Variants in FHAD1 observed in about 807,000 individuals in gnomAD.
FHAD1 encodes the protein forkhead-associated domain-containing protein 1.
A neutral mutation model predicts 191.3 loss-of-function variants in FHAD1; 146 were observed. The ratio of observed to expected loss-of-function variants is 0.76; its 90% CI spans 0.67 to 0.88. The LOEUF (loss-of-function observed/expected upper bound fraction) is 0.88, where lower values mean the gene tolerates loss of function less well. Among genes scored for constraint, FHAD1 ranks in the 40% least tolerant of loss-of-function variants. The probability of loss-of-function intolerance (pLI) is 0.00; values close to 1 mark genes in which losing one functional copy is unlikely to be tolerated. For synonymous variants in FHAD1, 616 were observed against 672.3 expected (o/e 0.92, Z 1.29); for missense variants, 1,635 against 1,785.8 (o/e 0.92, Z 1.52).
intron 2 of FHAD1, among the ~76,000 whole-genome samples, chr1:15,259,224 T>C (rs1021038849): frequency 2.6e-5 from 4 of 152,198 alleles, no homozygotes; most frequent in African/African-American, 7.2e-5. Context: ...CACCCCCATG[T>C]ATAGACTAGT....
Position 15,325,085 on chromosome 1 carries a change from G to A in FHAD1, c.1473+526G>A, listed in dbSNP as rs1343339597. 1 of 155,050 alleles carries A rather than the reference G, an allele frequency of 6.4e-6. No individual in the cohort carries two copies. Among genetic ancestry groups the A allele is most frequent in the South Asian group, 2.0e-4 (1 of 5,028 alleles). 9.6% of individuals were successfully genotyped at this position (155,050 alleles called of 1,614,324 possible). A position where few individuals can be genotyped will look rare whatever the true frequency, so the allele number is the denominator to read the frequency against. On this transcript the variant is annotated intron_variant, in intron 11 of 33. Transcript: ENST00000688493. This position sits in a 1 kb window ranked among gnomAD's most constrained non-coding sequence, Gnocchi z 4.6. The stretch of plus-strand genomic sequence containing the variant: ...GGAGGTGCTGTTTCTTTGATGCTGT[G>A]GCCTGAAATCGCCGGTGGCCCTTCC...
At chr1:15,322,680 C>T (rs554129205) in intron 10 of FHAD1, among the ~76,000 whole-genome samples, 1 of 152,322 alleles carries the variant, frequency 6.6e-6, no homozygotes, top group African/African-American at 2.4e-5. Flanking sequence ...GGAGTTAGAG[C>T]ACTTCATCAT....
chr1:15,363,550 A>G (rs1251917022), intron 23 of FHAD1, among the ~76,000 whole-genome samples: 1 of 152,174 alleles, frequency 6.6e-6, no homozygotes, highest in Non-Finnish European at 1.5e-5. Context: ...AATCTAGCTA[A>G]TACTGTTATT....
At chr1:15,395,613 C>A (rs921495171) in intron 33 of FHAD1, among the ~76,000 whole-genome samples, 1 of 152,092 alleles carries the variant, frequency 6.6e-6, no homozygotes, top group African/African-American at 2.4e-5. Context: ...GGAGTGGGGT[C>A]ATGCACACGG....
chr1:15,345,574 T>C (rs1385707944), intron 18 of FHAD1, 51 bp downstream of exon 18: 3 of 1,417,886 alleles, frequency 2.1e-6, no homozygotes, highest in Non-Finnish European at 1.9e-6. Flanking sequence ...TTGAGGGCCA[T>C]GTGGAAGGAA....
intron 20 of FHAD1, 26 bp from the exon 21 acceptor site, chr1:15,358,083 TA>T: frequency 6.8e-7 from 1 of 1,472,146 alleles, no homozygotes; most frequent in South Asian, 1.3e-5. Flanking sequence ...GAATGTCTGT[TA>T]TTTTGCTACT....
chr1:15,314,238 G>A (rs1673238018), intron 8 of FHAD1, among the ~76,000 whole-genome samples: 1 of 152,168 alleles, frequency 6.6e-6, no homozygotes, highest in African/African-American at 2.4e-5. Flanking sequence ...TGCCTGAAGA[G>A]TTCGCCAAGT....
Position 15,397,204 on chromosome 1 carries a change from TAAATA to T in FHAD1, c.4324-84_4324-80del, listed in dbSNP as rs564021160. 189 of 582,282 alleles carry T rather than the reference TAAATA, an allele frequency of 3.2e-4. 1 individual carries two copies. The highest frequency in any genetic ancestry group is 2.2e-3 in the African/African-American group (118 of 52,622). The allele number at this position is 582,282 out of a possible 1,614,324, so 36.1% of individuals were successfully genotyped here. On this transcript the variant is annotated intron_variant, in intron 33 of 33. Coordinates refer to ENST00000688493, the MANE Select transcript of FHAD1 (RefSeq NM_001391957.1). ...AGACTCCGTCTCAAAAAAAAAAAAT[TAAATA>T]AAATAAAAAATAACAAAACCACTTG... is the stretch of plus-strand genomic sequence containing the variant.
chr1:15,294,608 G>C (rs746672492), intron 4 of FHAD1, among the ~76,000 whole-genome samples: 2 of 152,158 alleles, frequency 1.3e-5, no homozygotes, highest in Non-Finnish European at 2.9e-5. Context: ...GGCCAGGCTG[G>C]TCTCGAACTC....
chr1:15,397,283 C>T lies in FHAD1; in HGVS notation c.4324-14C>T, dbSNP rs1340670136. The T allele has an allele frequency of 1.5e-6, 2 of 1,363,738 alleles. No individual in the cohort carries two copies. The highest frequency in any genetic ancestry group is 2.9e-5 in the African/African-American group (2 of 69,656). 84.5% of individuals were successfully genotyped at this position (1,363,738 alleles called of 1,614,324 possible). On this transcript the variant is annotated splice_polypyrimidine_tract_variant and intron_variant, in intron 33 of 33. Transcript: ENST00000688493. The stretch of plus-strand genomic sequence containing the variant: ...GCAATGGAGTTTGTGTGTTTTTTCT[C>T]TTGCTTGTTAAAGGTTGGAACCAGA...
At chr1:15,239,861 A>G (rs1645161207) in intron 1 of FHAD1, among the ~76,000 whole-genome samples, 1 of 152,150 alleles carries the variant, frequency 6.6e-6, no homozygotes, top group East Asian at 1.9e-4. Context: ...GCGCTTTGGA[A>G]AAATGTTTGT....
chr1:15,353,378 CA>C (rs933486621), intron 20 of FHAD1, among the ~76,000 whole-genome samples: 9 of 152,180 alleles, frequency 5.9e-5, no homozygotes, highest in African/African-American at 2.2e-4. Flanking sequence ...TACTACACTT[CA>C]GCTTTGTGTG....
intron 24 of FHAD1, among the ~76,000 whole-genome samples, chr1:15,366,957 G>A (rs959329769): frequency 2.0e-5 from 3 of 152,162 alleles, no homozygotes; most frequent in African/African-American, 7.2e-5. Context: ...GAAGGGAAGA[G>A]AATGCTCTTA....
chr1:15,291,005 C>T (rs961036859), intron 4 of FHAD1, among the ~76,000 whole-genome samples: 12 of 151,912 alleles, frequency 7.9e-5, no homozygotes, highest in Non-Finnish European at 1.5e-4. Flanking sequence ...TGAGCCACTG[C>T]GCCCAGCCTT....
rs551837280 is a variant in FHAD1 at position 15,325,320 on chromosome 1, C to CGT, written c.1473+769_1473+770dup. 1.3e-5 allele frequency: 2 copies of CGT among 151,802 alleles called. No individual in the cohort carries two copies. The highest frequency in any genetic ancestry group is 4.8e-5 in the African/African-American group (2 of 41,288). 9.4% of individuals were successfully genotyped at this position (151,802 alleles called of 1,614,324 possible). A position where few individuals can be genotyped will look rare whatever the true frequency, so the allele number is the denominator to read the frequency against. ...ATCCACAGAATGGTTTGCACACACA[C>CGT]GTGTGTGTGCGTGTGTGTGTGTGTA... On this transcript the variant is annotated intron_variant, in intron 11 of 33. Coordinates refer to ENST00000688493, the MANE Select transcript of FHAD1 (RefSeq NM_001391957.1). This position sits in a 1 kb window ranked among gnomAD's most constrained non-coding sequence, Gnocchi z 4.6.
chr1:15,289,580 C>A lies in FHAD1; in HGVS notation c.482C>A (p.Ala161Asp). 1 of 1,551,810 alleles carries A rather than the reference C, an allele frequency of 6.4e-7. No homozygotes were observed. The highest frequency in any genetic ancestry group is 8.7e-7 in the Non-Finnish European group (1 of 1,147,030). ...AFPRPTVVLP[A>D]SHRRPVSANK... Reference sequence around the variant, plus strand: ...CCCAGACCCACCGTGGTCCTGCCGGCCTCCCACAGGCGGCCTGTGAGCGCC... The same window carrying A: ...CCCAGACCCACCGTGGTCCTGCCGGACTCCCACAGGCGGCCTGTGAGCGCC... The change falls in exon 4 of 34, where the codon GCC (alanine) becomes GAC (aspartate). Residue 161 changes from alanine (A) to aspartate (D), a missense_variant. Ala to Asp is a moderately radical substitution (Grantham distance 126). Transcript: ENST00000688493. The surrounding 1 kb of genome is among the most constrained non-coding windows in gnomAD (Gnocchi z 4.2).
chr1:15,241,961 G>A (rs548202133), intron 1 of FHAD1, among the ~76,000 whole-genome samples: 8 of 152,326 alleles, frequency 5.3e-5, no homozygotes, highest in East Asian at 3.9e-4. Flanking sequence ...AAGGCCGGGT[G>A]CAGTGGCTCA....
At chr1:15,372,113 C>T (rs534361893) in intron 26 of FHAD1, among the ~76,000 whole-genome samples, 1 of 152,096 alleles carries the variant, frequency 6.6e-6, no homozygotes, top group Non-Finnish European at 1.5e-5. Flanking sequence ...CAGCAGGATT[C>T]AGCACAGTGA....
At chr1:15,321,802 T>G (rs570463223) in intron 10 of FHAD1, among the ~76,000 whole-genome samples, 2 of 152,332 alleles carry the variant, frequency 1.3e-5, no homozygotes, top group South Asian at 4.1e-4. Flanking sequence ...CATGCACATG[T>G]GTGCATGCAT....
Sources: allele counts gnomAD v4.1 joint callset (sites outside exome capture counted in the v4.1 genomes callset), GRCh38; gene constraint gnomAD v4.1.1; non-coding constraint Gnocchi (gnomAD v3.1); transcripts MANE v1.5; gene names NCBI Gene and HGNC (gene_info 2026-07-23, HGNC 2026-07-21).